The following ADGRL2 variants were observed in gnomAD, a reference collection of about 807,000 sequenced individuals.
ADGRL2 encodes the protein adhesion G protein-coupled receptor L2, also known as calcium-independent alpha-latrotoxin receptor 2.
A neutral mutation model predicts 157.4 loss-of-function variants in ADGRL2; 44 were observed. The observed-to-expected ratio is 0.28, with a 90% CI of 0.22 to 0.36. The LOEUF (loss-of-function observed/expected upper bound fraction) is 0.36, where lower values mean the gene tolerates loss of function less well. ADGRL2 is among the 10% of genes least tolerant of loss of function. ADGRL2 has a pLI of 1.00. For missense variants in ADGRL2, 1,510 were observed against 1,768.9 expected (o/e 0.85, Z 2.63); for synonymous variants, 585 against 624.7 (o/e 0.94, Z 0.95).
At chr1:81,801,947 C>T (rs945907668) in intron 1 of ADGRL2, among the ~76,000 whole-genome samples, 3 of 151,982 alleles carry the variant, frequency 2.0e-5, no homozygotes, top group Admixed American at 1.3e-4. Flanking sequence ...CGAAGAGCGG[C>T]GTGTGGGAAA....
At position 81,661,307 on chromosome 1, in the gene ADGRL2, C is replaced by T. The variant is rs541513646; in HGVS notation, c.-143+80327C>T. On this transcript the variant is annotated intron_variant, in intron 3 of 24. Transcript: ENST00000370721. ...TCCAATTTGTTAGTAACATTACAGC[C>T]AAAGCAATATTCCAGATTCCTTGAT... Among the ~76,000 whole-genome samples the T allele has an allele frequency of 9.2e-5, 14 of 152,208 alleles. No homozygotes were observed. The South Asian group carries it at 2.9e-3, about 32-fold the overall frequency.
chr1:81,889,871 T>G (rs2094216177), intron 2 of ADGRL2, among the ~76,000 whole-genome samples: 1 of 152,212 alleles, frequency 6.6e-6, no homozygotes, highest in Non-Finnish European at 1.5e-5. Context: ...GGAATTATGT[T>G]AAGTCTGAGG....
At chr1:81,905,622 A>G (rs2094569213) in intron 2 of ADGRL2, among the ~76,000 whole-genome samples, 2 of 152,224 alleles carry the variant, frequency 1.3e-5, no homozygotes, top group African/African-American at 4.8e-5. Context: ...ATGTTTTGAC[A>G]AAATAGTAAG....
intron 3 of ADGRL2, among the ~76,000 whole-genome samples, chr1:81,617,620 A>G (rs1317523192): frequency 6.6e-6 from 1 of 152,234 alleles, no homozygotes. Context: ...TTACAATTAT[A>G]TCATTGATAC....
chr1:81,911,282 C>G (rs1233794748), intron 3 of ADGRL2, among the ~76,000 whole-genome samples: 1 of 152,016 alleles, frequency 6.6e-6, no homozygotes, highest in Non-Finnish European at 1.5e-5. Flanking sequence ...TTTTATAGAA[C>G]AGTCACCATT....
At chr1:81,819,841 G>A (rs1161938260) in intron 1 of ADGRL2, among the ~76,000 whole-genome samples, 1 of 152,064 alleles carries the variant, frequency 6.6e-6, no homozygotes, top group Non-Finnish European at 1.5e-5. Flanking sequence ...GATATTCTTT[G>A]GTTTCCTTAG....
At chr1:81,313,393 AC>A (rs1659882901) in intron 1 of ADGRL2, among the ~76,000 whole-genome samples, 1 of 152,178 alleles carries the variant, frequency 6.6e-6, no homozygotes, top group Admixed American at 6.5e-5. Flanking sequence ...TAACATTTTC[AC>A]CCAATTCTGC....
intron 1 of ADGRL2, among the ~76,000 whole-genome samples, chr1:81,817,999 C>T (rs2090588479): frequency 6.8e-6 from 1 of 147,404 alleles, no homozygotes; most frequent in South Asian, 2.2e-4. Context: ...CCCGTTTCTA[C>T]CAGAAATTAA....
At position 81,993,723 on chromosome 1, in the gene ADGRL2, C is replaced by T. The variant is rs1397122405; in HGVS notation, c.*2578C>T. On this transcript the variant is annotated 3_prime_UTR_variant, in exon 24 of 24. Coordinates refer to ENST00000686636, the MANE Select transcript of ADGRL2 (RefSeq NM_001366006.2). ...TACTAAACTACTGACTGTTTTAATG[C>T]AGATGCGTTATTGTATTTATTAACC... Among the ~76,000 whole-genome samples, 1 of 152,136 alleles carries T rather than the reference C, an allele frequency of 6.6e-6. No homozygotes were observed. The highest frequency in any genetic ancestry group is 1.5e-5 in the Non-Finnish European group (1 of 68,030).
intron 2 of ADGRL2, among the ~76,000 whole-genome samples, chr1:81,793,225 G>T (rs2087432864): frequency 6.6e-6 from 1 of 151,578 alleles, no homozygotes; most frequent in African/African-American, 2.4e-5. Flanking sequence ...ATAATGTATA[G>T]CACTCTTGTT....
chr1:81,668,743 T>C (rs1191365865), intron 3 of ADGRL2, among the ~76,000 whole-genome samples: 2 of 147,762 alleles, frequency 1.4e-5, no homozygotes, highest in East Asian at 2.0e-4. Flanking sequence ...TTTTTTTTTG[T>C]ATTTTTGGTA....
At position 81,969,268 on chromosome 1, in the gene ADGRL2, A is replaced by T; in HGVS notation, c.2614A>T (p.Thr872Ser). The T allele has an allele frequency of 1.2e-6, 2 of 1,613,934 alleles. No individual in the cohort carries two copies. Among genetic ancestry groups the T allele is most frequent in the Non-Finnish European group, 1.7e-6 (2 of 1,179,890 alleles). Reference protein sequence around the residue: ...SLVCLAICIFTFCFFRGLQSD... With the variant: ...SLVCLAICIFSFCFFRGLQSD... ...TGTTTGCCTGGCTATCTGCATCTTC[A>T]CCTTCTGCTTTTTCCGTGGCCTACA... The change falls in exon 15 of 24, where the codon ACC becomes TCC. Residue 872 changes from threonine (T) to serine (S), a missense_variant. Coordinates refer to ENST00000686636, the MANE Select transcript of ADGRL2 (RefSeq NM_001366006.2).
At chr1:81,502,466 A>T (rs1246823926) in intron 2 of ADGRL2, 1 of 1,613,910 alleles carries the variant, frequency 6.2e-7, no homozygotes. Flanking sequence ...CTTCGTCTTT[A>T]TGCAGAAGAG....
At chr1:81,696,735 G>A (rs945416416), upstream of ADGRL2, among the ~76,000 whole-genome samples, 4 of 152,148 alleles carry the variant, frequency 2.6e-5, no homozygotes, top group Non-Finnish European at 4.4e-5. Flanking sequence ...CTGGGCGACA[G>A]AGCGAGACTC....
At chr1:81,532,320 C>T (rs1052580320) in intron 2 of ADGRL2, among the ~76,000 whole-genome samples, 7 of 152,118 alleles carry the variant, frequency 4.6e-5, no homozygotes, top group Non-Finnish European at 7.3e-5. Flanking sequence ...AATGTTTCCT[C>T]TACTTTACTT....
chr1:81,985,593 T>C (rs1376587508), intron 21 of ADGRL2, among the ~76,000 whole-genome samples: 3 of 151,988 alleles, frequency 2.0e-5, no homozygotes, highest in African/African-American at 4.8e-5. Context: ...TTAATAAAAT[T>C]AGAATAGTTA....
intron 1 of ADGRL2, among the ~76,000 whole-genome samples, chr1:81,728,333 C>A (rs375090151): frequency 6.6e-6 from 1 of 152,126 alleles, no homozygotes; most frequent in East Asian, 1.9e-4. Flanking sequence ...AATCATATTT[C>A]GGTCCACTAA....
Position 81,969,189 on chromosome 1 carries a change from C to T in ADGRL2, c.2535C>T (p.Gly845=), listed in dbSNP as rs776365934. ...MAHREIAYKD[G]VHELLLTVIT... ...CTTTTTATTTTCAGTATAAAGATGG[C>T]GTTCATGAATTACTTCTTACAGTCA... Residue 845 remains glycine, a synonymous_variant, in exon 15 of 24, where the codon GGC becomes GGT. Coordinates refer to ENST00000686636, the MANE Select transcript of ADGRL2 (RefSeq NM_001366006.2). 28 of 1,611,490 alleles carry T rather than the reference C, an allele frequency of 1.7e-5. 1 individual carries two copies. The highest frequency in any genetic ancestry group is 1.7e-4 in the Middle Eastern group (1 of 6,056).
At chr1:81,557,271 TG>T in intron 2 of ADGRL2, 2 of 199,540 alleles carry the variant, frequency 1.0e-5, no homozygotes, top group Non-Finnish European at 2.3e-5. Flanking sequence ...CAAGTGCTTC[TG>T]GACTTCTTTC....
Sources: allele counts gnomAD v4.1 joint callset (sites outside exome capture counted in the v4.1 genomes callset), GRCh38; gene constraint gnomAD v4.1.1; transcripts MANE v1.5; gene names NCBI Gene and HGNC (gene_info 2026-07-23, HGNC 2026-07-21).